FSIP1: variants seen among roughly 807,000 people sequenced by gnomAD.
The protein encoded by FSIP1 is fibrous sheath interacting protein 1.
A neutral mutation model predicts 60.9 loss-of-function variants in FSIP1; 65 were observed. That is an observed-to-expected ratio of 1.07 (90% confidence interval 0.87 to 1.31). The LOEUF (loss-of-function observed/expected upper bound fraction) is 1.31. Among genes scored for constraint, FSIP1 ranks in the 40% most tolerant of loss-of-function variants. The pLI is 0.00. For synonymous variants in FSIP1, 209 were observed against 221.2 expected, an observed-to-expected ratio of 0.94 and a Z score of 0.49; for missense variants, 675 against 665.5, an observed-to-expected ratio of 1.01 and a Z score of -0.16.
At chr15:39,706,083 T>G (rs1356090929) in intron 10 of FSIP1, among the ~76,000 whole-genome samples, 1 of 152,090 alleles carries the variant, frequency 6.6e-6, no homozygotes, top group African/African-American at 2.4e-5. Context: ...ACCATAGAAT[T>G]AAATGGGTTA....
chr15:39,758,126 TAA>T (rs1177153517), intron 5 of FSIP1, among the ~76,000 whole-genome samples: 1 of 152,090 alleles, frequency 6.6e-6, no homozygotes, highest in Admixed American at 6.6e-5. Flanking sequence ...AGCAGTCACA[TAA>T]CTCCAGAAAT....
intron 10 of FSIP1, among the ~76,000 whole-genome samples, chr15:39,651,104 A>T (rs1892849625): frequency 6.6e-6 from 1 of 152,202 alleles, no homozygotes; most frequent in Non-Finnish European, 1.5e-5. Context: ...GAACCCATGG[A>T]CATGAACCCA....
At chr15:39,638,815 C>T (rs1422836890) in intron 10 of FSIP1, among the ~76,000 whole-genome samples, 1 of 142,254 alleles carries the variant, frequency 7.0e-6, no homozygotes, top group African/African-American at 2.8e-5. Context: ...TGTGTGGGTG[C>T]ATGTGTGTGT....
At chr15:39,609,907 C>T (rs1890963627) in intron 11 of FSIP1, among the ~76,000 whole-genome samples, 1 of 152,208 alleles carries the variant, frequency 6.6e-6, no homozygotes, top group South Asian at 2.1e-4. Flanking sequence ...ACAGCAACAC[C>T]AACAGCAAGG....
chr15:39,760,802 C>A (rs1340135306), intron 5 of FSIP1, among the ~76,000 whole-genome samples: 1 of 151,894 alleles, frequency 6.6e-6, no homozygotes, highest in Non-Finnish European at 1.5e-5. Context: ...TGGTATTATA[C>A]CAATGTTGAT....
At chr15:39,776,207 A>AGGGG in intron 2 of FSIP1, among the ~76,000 whole-genome samples, 192 bp downstream of exon 2, 1 of 52,148 alleles carries the variant, frequency 1.9e-5, no homozygotes, top group Admixed American at 2.6e-4. Flanking sequence ...AGAGGGAGGG[A>AGGGG]GGGAGGGAGG....
intron 10 of FSIP1, among the ~76,000 whole-genome samples, chr15:39,635,560 T>G (rs893720893): frequency 6.6e-6 from 1 of 152,274 alleles, no homozygotes; most frequent in African/African-American, 2.4e-5. Flanking sequence ...AACTGACCTG[T>G]CTGGGAACAA....
intron 10 of FSIP1, among the ~76,000 whole-genome samples, chr15:39,635,487 T>G (rs1892094305): frequency 6.6e-6 from 1 of 152,184 alleles, no homozygotes; most frequent in Non-Finnish European, 1.5e-5. Flanking sequence ...AGTACACTCT[T>G]TCAAAGGGCC....
At chr15:39,673,410 C>T (rs1893796427) in intron 10 of FSIP1, among the ~76,000 whole-genome samples, 1 of 152,156 alleles carries the variant, frequency 6.6e-6, no homozygotes, top group Non-Finnish European at 1.5e-5. Flanking sequence ...AACTCCTGGG[C>T]TCAAAGAATC....
At chr15:39,684,041 C>A (rs1894268978) in intron 10 of FSIP1, among the ~76,000 whole-genome samples, 1 of 152,062 alleles carries the variant, frequency 6.6e-6, no homozygotes, top group African/African-American at 2.4e-5. Flanking sequence ...TTATGCAATC[C>A]CAATAAAAAT....
intron 9 of FSIP1, among the ~76,000 whole-genome samples, chr15:39,723,806 G>C (rs139868039): frequency 2.0e-5 from 3 of 152,160 alleles, no homozygotes; most frequent in East Asian, 3.9e-4. Flanking sequence ...AGATACACAG[G>C]GTTTATTCAA....
chr15:39,675,684 A>T (rs1034218783), intron 10 of FSIP1, among the ~76,000 whole-genome samples: 2 of 152,218 alleles, frequency 1.3e-5, no homozygotes, highest in Non-Finnish European at 2.9e-5. Context: ...TAACAATCAA[A>T]CTGAAATCCC....
At chr15:39,727,702 T>G (rs564585677) in intron 8 of FSIP1, among the ~76,000 whole-genome samples, 9 of 152,164 alleles carry the variant, frequency 5.9e-5, no homozygotes, top group Non-Finnish European at 1.3e-4. Context: ...GACATAAAGA[T>G]CAAGGATAAA....
At chr15:39,659,590 A>G (rs2140450226) in intron 10 of FSIP1, among the ~76,000 whole-genome samples, 1 of 144,958 alleles carries the variant, frequency 6.9e-6, no homozygotes, top group Admixed American at 7.0e-5. Context: ...AGTGAACTTC[A>G]CTGTATTTGA....
At chr15:39,770,986 T>G (rs1442450120) in intron 2 of FSIP1, among the ~76,000 whole-genome samples, 1 of 152,242 alleles carries the variant, frequency 6.6e-6, no homozygotes, top group Non-Finnish European at 1.5e-5. Flanking sequence ...ACAGAATGGT[T>G]GAAAAGTGGA....
At chr15:39,666,245 T>C (rs1893489711) in intron 10 of FSIP1, among the ~76,000 whole-genome samples, 1 of 152,164 alleles carries the variant, frequency 6.6e-6, no homozygotes, top group Admixed American at 6.5e-5. Flanking sequence ...GGCTAGCAGA[T>C]ATGGCAGAAT....
intron 11 of FSIP1, among the ~76,000 whole-genome samples, chr15:39,609,760 CA>C (rs1890959120): frequency 6.6e-6 from 1 of 152,222 alleles, no homozygotes; most frequent in African/African-American, 2.4e-5. Flanking sequence ...CAACCCTGTG[CA>C]ATCAGAGGCT....
At chr15:39,686,818 C>T in intron 10 of FSIP1, among the ~76,000 whole-genome samples, 1 of 152,154 alleles carries the variant, frequency 6.6e-6, no homozygotes, top group East Asian at 1.9e-4. Flanking sequence ...TTATTAGATT[C>T]AAAGGGAAAG....
chr15:39,650,434 A>G (rs1267918960), intron 10 of FSIP1, among the ~76,000 whole-genome samples: 2 of 152,198 alleles, frequency 1.3e-5, no homozygotes, highest in African/African-American at 4.8e-5. Flanking sequence ...GTCCTTTTCA[A>G]ATACCCAAAA....
Sources: allele counts gnomAD v4.1 joint callset (sites outside exome capture counted in the v4.1 genomes callset), GRCh38; gene constraint gnomAD v4.1.1; transcripts MANE v1.5; gene names NCBI Gene and HGNC (gene_info 2026-07-23, HGNC 2026-07-21).